Variants in MINDY2 observed in about 807,000 individuals in gnomAD.
MINDY2 encodes the protein ubiquitin carboxyl-terminal hydrolase MINDY-2.
A neutral mutation model predicts 68.2 loss-of-function variants in MINDY2; 52 were observed. The ratio of observed to expected loss-of-function variants is 0.76; its 90% CI spans 0.61 to 0.96. The LOEUF is 0.96. Ranked by LOEUF, MINDY2 falls within the 40% of genes least tolerant of loss-of-function variation. The pLI is 0.00. For synonymous variants in MINDY2, 372 were observed against 303.0 expected (o/e 1.23, Z -2.36); for missense variants, 881 against 773.4 (o/e 1.14, Z -1.65).
At chr15:58,823,712 A>G (rs975464610) in intron 5 of MINDY2, among the ~76,000 whole-genome samples, 9 of 151,698 alleles carry the variant, frequency 5.9e-5, no homozygotes, top group African/African-American at 2.2e-4. Context: ...AGAGTCGTTG[A>G]TCATTGATTC....
chr15:58,803,505 A>C (rs562181943), intron 3 of MINDY2, among the ~76,000 whole-genome samples: 3 of 147,268 alleles, frequency 2.0e-5, no homozygotes, highest in African/African-American at 7.5e-5. Flanking sequence ...AACAACTTAC[A>C]TTGCATTATA....
intron 2 of MINDY2, among the ~76,000 whole-genome samples, chr15:58,796,410 G>A (rs1195060476): frequency 6.6e-6 from 1 of 152,212 alleles, no homozygotes; most frequent in Non-Finnish European, 1.5e-5. Context: ...ATTGGATTAA[G>A]TAGATTGTGG....
intron 7 of MINDY2, among the ~76,000 whole-genome samples, chr15:58,848,219 G>A (rs576432910): frequency 1.3e-5 from 2 of 152,142 alleles, no homozygotes; most frequent in East Asian, 1.9e-4. Context: ...ATGTTAAACA[G>A]TTGACATATA....
intron 2 of MINDY2, among the ~76,000 whole-genome samples, chr15:58,799,855 G>T (rs1902524513): frequency 6.6e-6 from 1 of 152,170 alleles, no homozygotes. Context: ...TGGAAGAGAT[G>T]TAGGGAGAAG....
chr15:58,791,620 ATATGTGTGTGTGTGTGTGTGTG>A (rs1901931244), intron 2 of MINDY2, among the ~76,000 whole-genome samples: 1 of 80,850 alleles, frequency 1.2e-5, no homozygotes, highest in South Asian at 3.4e-4. Context: ...CTGTCTCAAA[ATATGTGTGTGTGTGTGTGTGTG>A]TGTGTGTGTG....
chr15:58,778,817 T>C (rs1465530927), intron 1 of MINDY2, among the ~76,000 whole-genome samples: 9 of 146,278 alleles, frequency 6.2e-5, no homozygotes, highest in Admixed American at 1.4e-4. Flanking sequence ...TTTCTTTTTT[T>C]TTTTTTTTTT....
chr15:58,778,757 G>T (rs542410186), intron 1 of MINDY2, among the ~76,000 whole-genome samples: 3 of 150,688 alleles, frequency 2.0e-5, no homozygotes, highest in Non-Finnish European at 2.9e-5. Flanking sequence ...CTCCTGAGTA[G>T]CTGGGACCAC....
rs1048125523 is a variant in MINDY2, at chr15:58,847,592, A to C, written c.1542+122A>C. 41 of 738,312 alleles carry C rather than the reference A, an allele frequency of 5.6e-5. 1 individual carries two copies. The highest frequency in any genetic ancestry group is 3.8e-4 in the African/African-American group (22 of 57,296). The allele number at this position is 738,312 out of a possible 1,614,324, so 45.7% of individuals were successfully genotyped here. ...TCAATATGCTTGTGAAATTTTCCTG[A>C]CACTTCCTGAATAGTTGGTGATCAT... On this transcript the variant is annotated intron_variant, in intron 7 of 8. Transcript: ENST00000559228.
chr15:58,793,944 C>T (rs1674566516), intron 2 of MINDY2, among the ~76,000 whole-genome samples: 1 of 152,064 alleles, frequency 6.6e-6, no homozygotes, highest in Non-Finnish European at 1.5e-5. Context: ...GTGAAACCAG[C>T]CAGCATGGTG....
intron 4 of MINDY2, among the ~76,000 whole-genome samples, chr15:58,820,313 G>A (rs541853198): frequency 4.6e-5 from 7 of 151,830 alleles, no homozygotes; most frequent in South Asian, 2.1e-4. Context: ...GTGTGGTGGC[G>A]GGCGCCTGTA....
rs61729219 is a variant in MINDY2 at position 58,771,460 on chromosome 15, G to A, written c.65G>A (p.Gly22Glu). The A allele has an allele frequency of 1.4e-3, 2,319 of 1,612,454 alleles. 11 individuals carry two copies. The African/African-American group carries it at 0.015, about 11-fold the overall frequency. The change falls in exon 1 of 9, where the codon GGG (glycine) becomes GAG (glutamate). Residue 22 changes from glycine to glutamate, a missense_variant. By Grantham distance (98) the Gly-to-Glu change is moderately conservative (BLOSUM62 -2). Transcript: ENST00000559228. ...EHGVAAGPAS[G>E]TGSSQEGLQE... Reference sequence around the variant, plus strand: ...GGGGTGGCGGCCGGGCCAGCGTCAGGGACAGGTTCTTCGCAGGAAGGGCTA... The same window carrying A: ...GGGGTGGCGGCCGGGCCAGCGTCAGAGACAGGTTCTTCGCAGGAAGGGCTA...
At chr15:58,782,937 T>TTG (rs1901254029) in intron 1 of MINDY2, among the ~76,000 whole-genome samples, 1 of 135,084 alleles carries the variant, frequency 7.4e-6, no homozygotes, top group Non-Finnish European at 1.5e-5. Context: ...TTTTTTTTTT[T>TTG]GAGACAGAGT....
At chr15:58,806,420 C>A (rs1428573689) in intron 3 of MINDY2, among the ~76,000 whole-genome samples, 1 of 145,226 alleles carries the variant, frequency 6.9e-6, no homozygotes, top group Non-Finnish European at 1.5e-5. Flanking sequence ...TGCCGTGGTG[C>A]TATCGTGGCT....
chr15:58,851,510 C>T (rs2032812018), intron 7 of MINDY2, among the ~76,000 whole-genome samples: 1 of 151,764 alleles, frequency 6.6e-6, no homozygotes, highest in Non-Finnish European at 1.5e-5. Context: ...GAGATCATAA[C>T]TCACTGTAAC....
intron 6 of MINDY2, among the ~76,000 whole-genome samples, chr15:58,839,805 T>C (rs1432091005): frequency 6.6e-6 from 1 of 152,032 alleles, no homozygotes; most frequent in Admixed American, 6.6e-5. Context: ...TCTATTTATT[T>C]ATTTTTACCA....
At chr15:58,773,420 A>G (rs1289305343) in intron 1 of MINDY2, among the ~76,000 whole-genome samples, 1 of 152,242 alleles carries the variant, frequency 6.6e-6, no homozygotes, top group Non-Finnish European at 1.5e-5. Context: ...AAAATTAGAA[A>G]CCTTGCCATT....
intron 6 of MINDY2, among the ~76,000 whole-genome samples, chr15:58,841,685 G>A (rs541535768): frequency 1.1e-3 from 168 of 152,266 alleles, no homozygotes; most frequent in African/African-American, 3.4e-3. Context: ...GATTACAGGC[G>A]TGAGCCACCG....
chr15:58,795,605 C>T (rs891318426), intron 2 of MINDY2, among the ~76,000 whole-genome samples: 3 of 152,112 alleles, frequency 2.0e-5, no homozygotes, highest in African/African-American at 4.8e-5. Context: ...AGGGTTTCAC[C>T]GTGTTAGCCA....
chr15:58,834,703 A>G (rs1382092198), intron 6 of MINDY2, among the ~76,000 whole-genome samples: 1 of 151,964 alleles, frequency 6.6e-6, no homozygotes, highest in South Asian at 2.1e-4. Flanking sequence ...TAAATATGTC[A>G]TTTTTTTCTA....
Sources: gnomAD v4.1 joint callset for allele counts (sites outside exome capture counted in the v4.1 genomes callset) on GRCh38, gnomAD v4.1.1 for gene constraint, MANE v1.5 for transcripts, NCBI Gene and HGNC (gene_info 2026-07-23, HGNC 2026-07-21) for gene names.